The following WDR37 variants were observed in gnomAD, a reference collection of about 807,000 sequenced individuals.
The protein encoded by WDR37 is WD repeat-containing protein 37.
WDR37 carries 19 observed loss-of-function variants against 62.9 expected under a neutral mutation model. That is an observed-to-expected ratio of 0.30 (90% CI 0.21 to 0.44). The LOEUF is 0.44. Among genes scored for constraint, WDR37 ranks in the 20% least tolerant of loss-of-function variants. The probability of loss-of-function intolerance (pLI) is 1.00; values close to 1 mark genes in which losing one functional copy is unlikely to be tolerated. For synonymous variants in WDR37, 250 were observed against 260.9 expected, an observed-to-expected ratio of 0.96 and a Z score of 0.40; for missense variants, 474 against 657.6, an observed-to-expected ratio of 0.72 and a Z score of 3.05.
At chr10:1,075,273 CTTTTTTT>C (rs61550443) in intron 2 of WDR37, among the ~76,000 whole-genome samples, 18,962 of 139,288 alleles carry the variant, frequency 0.14, 1,380 homozygotes, top group East Asian at 0.19. Flanking sequence ...ATAGCAATTC[CTTTTTTT>C]TTTTTTTTTT....
intron 11 of WDR37, 131 bp from the exon 12 acceptor site, chr10:1,124,087 T>G (rs955582764): frequency 3.2e-6 from 4 of 1,251,134 alleles, no homozygotes; most frequent in Non-Finnish European, 4.4e-6. Flanking sequence ...GGGAGCAGTT[T>G]GCAGAGGAGA....
intron 9 of WDR37, among the ~76,000 whole-genome samples, chr10:1,102,958 G>A (rs751697738): frequency 6.6e-5 from 10 of 152,148 alleles, no homozygotes; most frequent in Non-Finnish European, 1.3e-4. Flanking sequence ...GTCAGAAGCC[G>A]TCTGTCCTCT....
chr10:1,101,907 T>C (rs189617637), intron 9 of WDR37, among the ~76,000 whole-genome samples: 1 of 152,362 alleles, frequency 6.6e-6, no homozygotes, highest in East Asian at 1.9e-4. Context: ...TTCATAGAAG[T>C]TACTACCACC....
At chr10:1,080,657 G>C (rs1833999012) in intron 5 of WDR37, among the ~76,000 whole-genome samples, 181 bp downstream of exon 5, 1 of 152,190 alleles carries the variant, frequency 6.6e-6, no homozygotes, top group Admixed American at 6.5e-5. Flanking sequence ...TGTAATCCCA[G>C]CACTTTGGGA....
intron 2 of WDR37, chr10:1,074,362 C>T: frequency 7.9e-7 from 1 of 1,266,720 alleles, no homozygotes; most frequent in East Asian, 5.7e-5. Flanking sequence ...CTCATGGTAA[C>T]CCTCACGAAG....
intron 11 of WDR37, chr10:1,123,826 C>G (rs1835659338): frequency 6.1e-6 from 1 of 162,816 alleles, no homozygotes; most frequent in African/African-American, 2.4e-5. Flanking sequence ...TTTAAATTCT[C>G]TGCTATAGAC....
intron 11 of WDR37, among the ~76,000 whole-genome samples, chr10:1,108,749 C>CCA (rs1554825262): frequency 3.1e-5 from 4 of 128,042 alleles, no homozygotes; most frequent in African/African-American, 1.1e-4. Context: ...GCCCCCCCCC[C>CCA]CCGTGGAACC....
At position 1,063,700 on chromosome 10, in the gene WDR37, C is replaced by A. The variant is rs139305661; in HGVS notation, c.-41+6732C>A. Among the ~76,000 whole-genome samples the A allele has an allele frequency of 5.1e-3, 783 of 152,242 alleles. 3 individuals are homozygous for A. Among genetic ancestry groups the A allele is most frequent in the African/African-American group, 0.017 (687 of 41,524 alleles). The stretch of plus-strand genomic sequence containing the variant: ...TGCCCTGTGGTCATGAGGCCACCCC[C>A]CTGTGGTGTGGGGGAGACTGTATAG... On this transcript the variant is annotated intron_variant, in intron 1 of 13. Coordinates refer to ENST00000263150, the MANE Select transcript of WDR37 (RefSeq NM_014023.4).
chr10:1,061,952 G>T (rs907108204), intron 1 of WDR37, among the ~76,000 whole-genome samples: 1 of 151,876 alleles, frequency 6.6e-6, no homozygotes, highest in Non-Finnish European at 1.5e-5. Flanking sequence ...ATGTATATGC[G>T]GATATTCCAA....
intron 5 of WDR37, among the ~76,000 whole-genome samples, chr10:1,080,741 A>G (rs1255487531): frequency 6.6e-6 from 1 of 152,070 alleles, no homozygotes; most frequent in Non-Finnish European, 1.5e-5. Context: ...CCCTGTCTCT[A>G]CTAAAAATAC....
At chr10:1,076,454 C>G (rs186202147) in intron 2 of WDR37, among the ~76,000 whole-genome samples, 2 of 152,086 alleles carry the variant, frequency 1.3e-5, no homozygotes, top group Admixed American at 1.3e-4. Context: ...CCGAGGTGGG[C>G]AGATCATGAG....
At chr10:1,094,468 G>T (rs898306018) in intron 8 of WDR37, among the ~76,000 whole-genome samples, 2 of 152,240 alleles carry the variant, frequency 1.3e-5, no homozygotes, top group African/African-American at 4.8e-5. Context: ...GAGTTTCTAT[G>T]TGAGAGAGAA....
At chr10:1,125,584 A>G (rs1278666148) in intron 13 of WDR37, among the ~76,000 whole-genome samples, 1 of 152,200 alleles carries the variant, frequency 6.6e-6, no homozygotes, top group Non-Finnish European at 1.5e-5. Context: ...TTTCACAGGC[A>G]TGCGGAACGA....
At chr10:1,101,807 C>CA (rs989378626) in intron 9 of WDR37, among the ~76,000 whole-genome samples, 6 of 152,224 alleles carry the variant, frequency 3.9e-5, no homozygotes, top group Non-Finnish European at 7.3e-5. Flanking sequence ...ACATCCGACT[C>CA]ACGTGCGACC....
At chr10:1,074,857 G>A (rs1200858171) in intron 2 of WDR37, among the ~76,000 whole-genome samples, 2 of 152,268 alleles carry the variant, frequency 1.3e-5, no homozygotes, top group East Asian at 1.9e-4. Flanking sequence ...CCAGGTTCGC[G>A]CAGGCGCAGG....
chr10:1,057,453 C>G (rs1242210462), intron 1 of WDR37, among the ~76,000 whole-genome samples: 1 of 152,180 alleles, frequency 6.6e-6, no homozygotes, highest in Non-Finnish European at 1.5e-5. Flanking sequence ...GGCCTTTCTT[C>G]TCTCCAAAGA....
intron 1 of WDR37, among the ~76,000 whole-genome samples, chr10:1,070,207 CA>C (rs35167375): frequency 0.27 from 25,623 of 93,890 alleles, 2,046 homozygotes; most frequent in African/African-American, 0.33. Flanking sequence ...GACTCTGTCT[CA>C]AAAAAAAAAA....
At position 1,131,326 on chromosome 10, in the gene WDR37, A is replaced by C. The variant is rs780744472; in HGVS notation, c.*1982A>C. On this transcript the variant is annotated 3_prime_UTR_variant, in exon 14 of 14. Coordinates refer to ENST00000263150, the MANE Select transcript of WDR37 (RefSeq NM_014023.4). ...TTTAATTTGAAAGTCTGGGTGTCTT[A>C]GGATGATGGTTAGGAACATTGAAAA... 2.6e-5 allele frequency: 4 copies of C among 152,312 alleles called. No homozygotes were observed. Among genetic ancestry groups the C allele is most frequent in the Non-Finnish European group, 4.4e-5 (3 of 68,080 alleles). 9.4% of individuals were successfully genotyped at this position (152,312 alleles called of 1,614,324 possible). A position where few individuals can be genotyped will look rare whatever the true frequency, so the allele number is the denominator to read the frequency against.
At chr10:1,117,346 G>T (rs925802858) in intron 11 of WDR37, among the ~76,000 whole-genome samples, 5 of 152,196 alleles carry the variant, frequency 3.3e-5, no homozygotes, top group Admixed American at 3.3e-4. Context: ...GACCCACTGA[G>T]CCTGGCTGCC....
Sources: gnomAD v4.1 joint callset for allele counts (sites outside exome capture counted in the v4.1 genomes callset) on GRCh38, gnomAD v4.1.1 for gene constraint, MANE v1.5 for transcripts, NCBI Gene and HGNC (gene_info 2026-07-23, HGNC 2026-07-21) for gene names.